AP3M1: variants seen among roughly 807,000 people sequenced by gnomAD.
The protein encoded by AP3M1 is adaptor related protein complex 3 subunit mu 1, also known as AP-3 complex subunit mu-1.
A neutral mutation model predicts 42.6 loss-of-function variants in AP3M1; 29 were observed. The observed-to-expected ratio is 0.68, with a 90% confidence interval of 0.51 to 0.93. The LOEUF (loss-of-function observed/expected upper bound fraction) is 0.93, where lower values mean the gene tolerates loss of function less well. AP3M1 is among the 40% of genes least tolerant of loss of function. AP3M1 has a pLI of 0.00. For synonymous variants in AP3M1, 178 were observed against 175.3 expected (o/e 1.02, Z -0.12); for missense variants, 416 against 510.2 (o/e 0.82, Z 1.78).
chr10:74,140,990 G>C (rs1365541586), intron 1 of AP3M1, among the ~76,000 whole-genome samples: 1 of 152,042 alleles, frequency 6.6e-6, no homozygotes, highest in Non-Finnish European at 1.5e-5. Flanking sequence ...CAAAAGTACA[G>C]ACAAGAAAAA....
intron 1 of AP3M1, 143 bp from the exon 2 acceptor site, chr10:74,138,525 T>C (rs1247314300): frequency 6.4e-6 from 4 of 620,566 alleles, no homozygotes; most frequent in African/African-American, 4.0e-5. Context: ...CAACATGATA[T>C]ACAATAAGAA....
Position 74,134,165 on chromosome 10 carries a change from C to A in AP3M1, c.446-1G>T, listed in dbSNP as rs1417571131. On this transcript the variant is annotated splice_acceptor_variant, in intron 3 of 8. Coordinates refer to ENST00000355264, the MANE Select transcript of AP3M1 (RefSeq NM_012095.6). LOFTEE classifies it high-confidence loss of function. ...AGTGTGTCCCCAACATTACTACTGC[C>A]TAGAAACCAAAAAAGGAGAAGGCAA... 3.1e-6 allele frequency: 5 copies of A among 1,609,320 alleles called. No homozygotes were observed. The South Asian group carries it at 4.4e-5, about 14-fold the overall frequency.
chr10:74,139,913 CA>C (rs35170560), intron 1 of AP3M1, among the ~76,000 whole-genome samples: 11,403 of 111,488 alleles, frequency 0.1, 432 homozygotes, highest in African/African-American at 0.16. Flanking sequence ...GACTCCATCT[CA>C]AAAAAAAAAA....
chr10:74,135,479 G>GT (rs1372194545), intron 3 of AP3M1, among the ~76,000 whole-genome samples: 2 of 152,054 alleles, frequency 1.3e-5, no homozygotes, highest in African/African-American at 4.8e-5. Context: ...ATATATTTTA[G>GT]TAACTTTTCT....
chr10:74,129,409 T>G (rs1446461962), intron 5 of AP3M1, among the ~76,000 whole-genome samples, 168 bp from the exon 6 acceptor site: 8 of 152,180 alleles, frequency 5.3e-5, no homozygotes, highest in Admixed American at 1.3e-4. Flanking sequence ...TGTAAATATT[T>G]TATGTACATT....
chr10:74,129,919 G>T lies in AP3M1; in HGVS notation c.657C>A (p.Ser219=). The part of the protein sequence containing the change: ...CIKLSGMPDL[S]LSFMNPRLLD... Reference sequence around the variant, plus strand: ...GAATAAAACTTACCATGAAAGAAAGGGAGAGATCAGGCATTCCAGATAGTT... The same window carrying T: ...GAATAAAACTTACCATGAAAGAAAGTGAGAGATCAGGCATTCCAGATAGTT... Residue 219 remains serine, a synonymous_variant, in exon 5 of 9, where the codon TCC becomes TCA. Coordinates refer to ENST00000355264, the MANE Select transcript of AP3M1 (RefSeq NM_012095.6). 6.2e-7 allele frequency: 1 copy of T among 1,612,438 alleles called. No individual in the cohort carries two copies. Among genetic ancestry groups the T allele is most frequent in the Non-Finnish European group, 8.5e-7 (1 of 1,178,724 alleles).
chr10:74,141,534 G>A (rs1841151371), intron 1 of AP3M1, among the ~76,000 whole-genome samples: 1 of 151,864 alleles, frequency 6.6e-6, no homozygotes, highest in Admixed American at 6.6e-5. Context: ...TTACAAATAC[G>A]ATGTTGAATA....
chr10:74,126,455 A>AC (rs1840618263), intron 6 of AP3M1, 100 bp from the exon 7 acceptor site: 1 of 871,696 alleles, frequency 1.1e-6, no homozygotes, highest in Non-Finnish European at 1.8e-6. Flanking sequence ...AGAGTATCCT[A>AC]CCCTGCCTTT....
chr10:74,139,099 C>G (rs553992798), intron 1 of AP3M1, among the ~76,000 whole-genome samples: 25 of 151,860 alleles, frequency 1.6e-4, no homozygotes, highest in South Asian at 1.2e-3. Context: ...AGGTTTGAAC[C>G]AGGGCAATTA....
intron 4 of AP3M1, among the ~76,000 whole-genome samples, chr10:74,131,195 G>C (rs1271327314): frequency 6.6e-6 from 1 of 151,294 alleles, no homozygotes. Flanking sequence ...ACGGAGTCTT[G>C]CTCTGTCACC....
In AP3M1 at chr10:74,123,597, A is replaced by G; in HGVS notation, c.*213T>C. ...CACCTCCAAAATCTTCCTAAGTGAA[A>G]AGATACAAAATAAGCTAAGTCACTA... is the stretch of plus-strand genomic sequence containing the variant. On this transcript the variant is annotated 3_prime_UTR_variant, in exon 9 of 9. Transcript: ENST00000355264. The G allele has an allele frequency of 1.8e-6, 1 of 554,766 alleles. No homozygotes were observed. Among genetic ancestry groups the G allele is most frequent in the South Asian group, 2.5e-5 (1 of 40,606 alleles). 34.4% of individuals were successfully genotyped at this position (554,766 alleles called of 1,614,324 possible).
intron 4 of AP3M1, among the ~76,000 whole-genome samples, chr10:74,132,420 G>A (rs1840807192): frequency 6.6e-6 from 1 of 152,116 alleles, no homozygotes; most frequent in Non-Finnish European, 1.5e-5. Context: ...ATTGGGTGTG[G>A]TGGCTGATGC....
In AP3M1 at chr10:74,129,105, T is replaced by C; in HGVS notation, c.803+3A>G. ...GCAGATTCTGGCTGATGCATCAACA[T>C]ACTTTTGTGAGCTGACACGGTATGA... On this transcript the variant is annotated splice_donor_region_variant and intron_variant, in intron 6 of 8. Coordinates refer to ENST00000355264, the MANE Select transcript of AP3M1 (RefSeq NM_012095.6). 1 of 1,613,886 alleles carries C rather than the reference T, an allele frequency of 6.2e-7. No individual in the cohort carries two copies. Among genetic ancestry groups the C allele is most frequent in the Non-Finnish European group, 8.5e-7 (1 of 1,179,902 alleles).
At chr10:74,126,799 C>T (rs1308334911) in intron 6 of AP3M1, among the ~76,000 whole-genome samples, 3 of 150,922 alleles carry the variant, frequency 2.0e-5, no homozygotes, top group Non-Finnish European at 3.0e-5. Flanking sequence ...GGTGAAACCT[C>T]GTCTCTACTA....
rs1287233266 is a variant in AP3M1, at chr10:74,136,643, T to C, written c.434A>G (p.Asn145Ser). Residue 145 changes from asparagine to serine, a missense_variant, in exon 3 of 9, where the codon AAC becomes AGC. By Grantham distance (46) the Asn-to-Ser change is conservative. Coordinates refer to ENST00000355264, the MANE Select transcript of AP3M1 (RefSeq NM_012095.6). The stretch of plus-strand genomic sequence containing the variant: ...TGTTTTCATCTTACCTGTAATAGAG[T>C]TGACAACAGAGCGTAGAATTGTTGG... ...KPPTILRSVV[N>S]SITGSSNVGD... 9 of 1,565,408 alleles carry C rather than the reference T, an allele frequency of 5.7e-6. No homozygotes were observed. The highest frequency in any genetic ancestry group is 1.7e-5 in the Admixed American group (1 of 58,352).
At chr10:74,145,476 T>G (rs1841299883) in intron 1 of AP3M1, among the ~76,000 whole-genome samples, 1 of 152,264 alleles carries the variant, frequency 6.6e-6, no homozygotes, top group African/African-American at 2.4e-5. Context: ...TCTATCCATA[T>G]TATGACCAAG....
intron 1 of AP3M1, among the ~76,000 whole-genome samples, chr10:74,145,254 G>A (rs778754599): frequency 1.3e-5 from 2 of 152,092 alleles, no homozygotes; most frequent in Non-Finnish European, 2.9e-5. Flanking sequence ...CTCTTAAGCT[G>A]GTGAAAAATT....
Position 74,126,363 on chromosome 10 carries a change from G to C in AP3M1, c.804-8C>G. On this transcript the variant is annotated splice_region_variant and splice_polypyrimidine_tract_variant and intron_variant, in intron 6 of 8. Transcript: ENST00000355264. ...ACTGGTATTGCCACTAGACTAAAAAGAGAAACAGAGAAAGATACAAAAGCA... is the reference window on the plus strand; with the variant it reads ...ACTGGTATTGCCACTAGACTAAAAACAGAAACAGAGAAAGATACAAAAGCA... 1 of 1,608,302 alleles carries C rather than the reference G, an allele frequency of 6.2e-7. No homozygotes were observed. The highest frequency in any genetic ancestry group is 8.5e-7 in the Non-Finnish European group (1 of 1,175,226).
intron 1 of AP3M1, among the ~76,000 whole-genome samples, chr10:74,145,539 GTTTC>G (rs1383044006): frequency 5.9e-5 from 9 of 152,092 alleles, no homozygotes; most frequent in African/African-American, 1.9e-4. Context: ...AAATTAGCCT[GTTTC>G]TTTATTTATC....
Sources: allele counts gnomAD v4.1 joint callset (sites outside exome capture counted in the v4.1 genomes callset), GRCh38; gene constraint gnomAD v4.1.1; transcripts MANE v1.5; gene names NCBI Gene and HGNC (gene_info 2026-07-23, HGNC 2026-07-21).